Variants in NREP observed in about 807,000 individuals in gnomAD.
The protein encoded by NREP is neuronal regeneration related protein.
In NREP, 5 loss-of-function variants were observed where a neutral mutation model predicts 8.6. The ratio of observed to expected loss-of-function variants is 0.58; its 90% CI spans 0.30 to 1.22. The LOEUF (loss-of-function observed/expected upper bound fraction) is 1.22. NREP is among the 50% of genes most tolerant of loss of function. NREP has a pLI of 0.07. For missense variants in NREP, 86 were observed against 82.5 expected, an observed-to-expected ratio of 1.04 and a Z score of -0.17; for synonymous variants, 27 against 28.0, an observed-to-expected ratio of 0.96 and a Z score of 0.11.
chr5:111,778,985 C>G (rs961015276), intron 2 of NREP, among the ~76,000 whole-genome samples: 3 of 152,000 alleles, frequency 2.0e-5, no homozygotes, highest in Non-Finnish European at 4.4e-5. Flanking sequence ...TTGTAGCAAC[C>G]TTTACGTTGC....
chr5:111,872,047 A>G (rs1753803616), intron 2 of NREP, among the ~76,000 whole-genome samples: 1 of 150,664 alleles, frequency 6.6e-6, no homozygotes, highest in Non-Finnish European at 1.5e-5. Context: ...ATCTATATAT[A>G]GCATATATAA....
chr5:111,899,612 TA>T (rs1389537140), intron 2 of NREP, among the ~76,000 whole-genome samples: 3 of 152,188 alleles, frequency 2.0e-5, no homozygotes, highest in African/African-American at 7.2e-5. Context: ...ACAACATATG[TA>T]AATGGTTTAA....
chr5:111,894,747 C>G (rs1161761717), intron 2 of NREP, among the ~76,000 whole-genome samples: 3 of 152,204 alleles, frequency 2.0e-5, no homozygotes, highest in Non-Finnish European at 4.4e-5. Context: ...TGATGCACAA[C>G]AGCCGACAGC....
chr5:111,786,058 A>G (rs1751602448), intron 2 of NREP, among the ~76,000 whole-genome samples: 1 of 152,222 alleles, frequency 6.6e-6, no homozygotes. Flanking sequence ...AGCCTCTTTC[A>G]TTGATATTCA....
rs73787743 is a variant in NREP, at chr5:111,944,694, C to G, written c.135+30580G>C. Among the ~76,000 whole-genome samples the G allele has an allele frequency of 8.8e-3, 1,337 of 152,200 alleles. 20 individuals are homozygous for G. Among genetic ancestry groups the G allele is most frequent in the African/African-American group, 0.024 (990 of 41,552 alleles). On this transcript the variant is annotated intron_variant, in intron 2 of 3. Transcript: ENST00000395634. The stretch of plus-strand genomic sequence containing the variant: ...TGATTGGTTCTCTCTTGACTCAATT[C>G]TGGCCCACAGTATCAAAGATCACTT...
chr5:111,737,493 C>A (rs990793391), intron 2 of NREP, among the ~76,000 whole-genome samples: 2 of 152,128 alleles, frequency 1.3e-5, no homozygotes, highest in African/African-American at 4.8e-5. Context: ...TTTGTAGGCA[C>A]AGGAAGCAAA....
chr5:111,971,853 C>T (rs1348534241), intron 2 of NREP, among the ~76,000 whole-genome samples: 3 of 151,506 alleles, frequency 2.0e-5, no homozygotes, highest in Non-Finnish European at 4.4e-5. Flanking sequence ...TTTAATGTGA[C>T]CCTGAAAGCG....
chr5:111,965,674 T>A (rs1238277785), intron 2 of NREP, among the ~76,000 whole-genome samples: 1 of 152,210 alleles, frequency 6.6e-6, no homozygotes, highest in South Asian at 2.1e-4. Context: ...ACTATATATC[T>A]TAAAAGGACT....
intron 2 of NREP, among the ~76,000 whole-genome samples, chr5:111,869,459 G>A (rs976442022): frequency 4.6e-5 from 7 of 152,128 alleles, no homozygotes; most frequent in Admixed American, 4.6e-4. Flanking sequence ...AGCTGCTTTT[G>A]AATTAATAGT....
At chr5:111,749,962 G>A (rs1001457885) in intron 2 of NREP, among the ~76,000 whole-genome samples, 2 of 152,132 alleles carry the variant, frequency 1.3e-5, no homozygotes, top group Admixed American at 1.3e-4. Flanking sequence ...GTGAGTGAGT[G>A]TGTGTGTTCT....
chr5:111,893,728 C>T (rs1754445676), intron 2 of NREP, among the ~76,000 whole-genome samples: 1 of 150,828 alleles, frequency 6.6e-6, no homozygotes, highest in African/African-American at 2.4e-5. Context: ...TTTATTTGGT[C>T]TTAATTTAAT....
At chr5:111,904,850 G>C (rs1362210184) in intron 2 of NREP, among the ~76,000 whole-genome samples, 1 of 152,002 alleles carries the variant, frequency 6.6e-6, no homozygotes, top group Non-Finnish European at 1.5e-5. Context: ...AACCACACCT[G>C]AACAGACCCT....
chr5:111,793,102 G>A (rs1049503039), intron 2 of NREP, among the ~76,000 whole-genome samples: 19 of 152,160 alleles, frequency 1.2e-4, no homozygotes, highest in Non-Finnish European at 2.4e-4. Context: ...ACTAGGTGCT[G>A]TAAATTCAAA....
intron 2 of NREP, among the ~76,000 whole-genome samples, chr5:111,778,625 T>C (rs1400086115): frequency 6.6e-6 from 1 of 152,194 alleles, no homozygotes; most frequent in Non-Finnish European, 1.5e-5. Context: ...CTAATGTATT[T>C]CACTCCATTT....
intron 2 of NREP, among the ~76,000 whole-genome samples, chr5:111,875,554 A>G (rs1753884649): frequency 6.6e-6 from 1 of 152,202 alleles, no homozygotes. Flanking sequence ...AGACCACCAG[A>G]AGTTTACTCC....
At chr5:111,826,364 C>G (rs549532648) in intron 2 of NREP, among the ~76,000 whole-genome samples, 2 of 152,330 alleles carry the variant, frequency 1.3e-5, no homozygotes, top group South Asian at 2.1e-4. Context: ...TCCTTCAGCA[C>G]TGTGGAAGTT....
intron 2 of NREP, among the ~76,000 whole-genome samples, chr5:111,741,824 T>TACACACAGACACAC (rs138411321): frequency 0.029 from 2,139 of 73,466 alleles, 32 homozygotes; most frequent in East Asian, 0.057. Context: ...AACACACACA[T>TACACACAGACACAC]ACACACACAC....
intron 2 of NREP, among the ~76,000 whole-genome samples, chr5:111,899,208 G>C (rs58786414): frequency 2.0e-5 from 3 of 152,106 alleles, no homozygotes; most frequent in Non-Finnish European, 4.4e-5. Context: ...AAATTTTATT[G>C]CTACAAAATA....
At chr5:111,848,527 A>G (rs1177559589) in intron 2 of NREP, among the ~76,000 whole-genome samples, 1 of 152,166 alleles carries the variant, frequency 6.6e-6, no homozygotes, top group Non-Finnish European at 1.5e-5. Flanking sequence ...GGTGCTGTCT[A>G]GACAAGTATA....
Sources: gnomAD v4.1 joint callset for allele counts (sites outside exome capture counted in the v4.1 genomes callset) on GRCh38, gnomAD v4.1.1 for gene constraint, MANE v1.5 for transcripts, NCBI Gene and HGNC (gene_info 2026-07-23, HGNC 2026-07-21) for gene names.